Variants in KIAA1328 observed in about 807,000 individuals in gnomAD.
KIAA1328 encodes protein hinderin.
A neutral mutation model predicts 68.1 loss-of-function variants in KIAA1328; 52 were observed. That is an observed-to-expected ratio of 0.76 (90% confidence interval 0.61 to 0.96). KIAA1328 has a LOEUF of 0.96. KIAA1328 is among the 40% of genes least tolerant of loss of function. The probability of loss-of-function intolerance (pLI) is 0.00; values close to 1 mark genes in which losing one functional copy is unlikely to be tolerated. For missense variants in KIAA1328, 641 were observed against 677.6 expected, an observed-to-expected ratio of 0.95 and a Z score of 0.60; for synonymous variants, 232 against 239.4, an observed-to-expected ratio of 0.97 and a Z score of 0.28.
At chr18:36,899,843 A>C (rs2048980516) in intron 5 of KIAA1328, among the ~76,000 whole-genome samples, 1 of 151,948 alleles carries the variant, frequency 6.6e-6, no homozygotes, top group Non-Finnish European at 1.5e-5. Context: ...GTGCTAGCTA[A>C]ATTTTAATTT....
intron 7 of KIAA1328, among the ~76,000 whole-genome samples, chr18:37,158,688 TC>T (rs2059210431): frequency 6.6e-6 from 1 of 152,176 alleles, no homozygotes; most frequent in African/African-American, 2.4e-5. Flanking sequence ...AAGCCAAGTT[TC>T]CAGTTGTGAT....
chr18:37,094,360 G>GA (rs113293098), intron 7 of KIAA1328, among the ~76,000 whole-genome samples: 7,376 of 148,556 alleles, frequency 0.05, 453 homozygotes, highest in African/African-American at 0.15. Flanking sequence ...GTGCTGATGG[G>GA]AAAAAAAAAA....
intron 6 of KIAA1328, among the ~76,000 whole-genome samples, chr18:36,973,999 A>G (rs1043859798): frequency 1.3e-5 from 2 of 152,302 alleles, no homozygotes; most frequent in Non-Finnish European, 2.9e-5. Context: ...TATTAATAAC[A>G]TTAAAGTTTA....
chr18:36,998,131 C>T (rs1166570776), intron 6 of KIAA1328, among the ~76,000 whole-genome samples: 3 of 152,160 alleles, frequency 2.0e-5, no homozygotes, highest in Non-Finnish European at 2.9e-5. Flanking sequence ...CCACCCAGCT[C>T]AACTTTGCGT....
chr18:36,907,792 A>G (rs1055180563), intron 5 of KIAA1328, among the ~76,000 whole-genome samples: 1 of 152,080 alleles, frequency 6.6e-6, no homozygotes, highest in Non-Finnish European at 1.5e-5. Context: ...CCCCTCTTCA[A>G]TTTCCTGCAA....
intron 5 of KIAA1328, among the ~76,000 whole-genome samples, chr18:36,920,890 T>C (rs1454318822): frequency 6.6e-6 from 1 of 152,194 alleles, no homozygotes; most frequent in Admixed American, 6.5e-5. Context: ...CCCTCTCTAG[T>C]ACTCTGCCCT....
At chr18:37,187,685 T>C (rs1283542587) in intron 9 of KIAA1328, among the ~76,000 whole-genome samples, 1 of 152,116 alleles carries the variant, frequency 6.6e-6, no homozygotes, top group African/African-American at 2.4e-5. Context: ...AATAAAAGGA[T>C]ACTAGGAATT....
intron 6 of KIAA1328, among the ~76,000 whole-genome samples, chr18:37,044,133 CT>C (rs1231126739): frequency 6.6e-6 from 1 of 152,136 alleles, no homozygotes; most frequent in African/African-American, 2.4e-5. Flanking sequence ...TTAGCATTCA[CT>C]TTTTGAGGTT....
intron 6 of KIAA1328, among the ~76,000 whole-genome samples, chr18:36,999,782 G>T (rs1219943785): frequency 1.3e-5 from 2 of 152,086 alleles, no homozygotes; most frequent in African/African-American, 4.8e-5. Flanking sequence ...AAACCTGGAA[G>T]TGACAGACGA....
chr18:37,218,089 GA>G (rs1386168417), intron 9 of KIAA1328, among the ~76,000 whole-genome samples: 1 of 152,210 alleles, frequency 6.6e-6, no homozygotes, highest in Non-Finnish European at 1.5e-5. Flanking sequence ...TAACTCTACA[GA>G]AGTAAAAACA....
chr18:37,106,687 C>T (rs572897995), intron 7 of KIAA1328, among the ~76,000 whole-genome samples: 19 of 152,238 alleles, frequency 1.2e-4, no homozygotes, highest in Middle Eastern at 3.4e-3. Context: ...TCTGGGATTA[C>T]AGGCATAAGC....
rs528500947 is a variant in KIAA1328 at position 37,117,281 on chromosome 18, G to T, written c.1233-42919G>T. Among the ~76,000 whole-genome samples, 282 of 152,220 alleles carry T rather than the reference G, an allele frequency of 1.9e-3. 4 individuals carry two copies. The highest frequency in any genetic ancestry group is 6.6e-3 in the African/African-American group (275 of 41,530). ...GTGATAGACTGGATTAAGAAAATGT[G>T]GCACATATACACCATGGAATACTAT... On this transcript the variant is annotated intron_variant, in intron 7 of 9. Transcript: ENST00000280020.
intron 7 of KIAA1328, among the ~76,000 whole-genome samples, chr18:37,086,218 G>GT (rs1262350507): frequency 2.0e-5 from 3 of 152,162 alleles, no homozygotes; most frequent in Non-Finnish European, 4.4e-5. Context: ...TACTAAGAGG[G>GT]TAGATGCTAA....
chr18:36,959,294 A>T lies in KIAA1328; in HGVS notation c.449-14A>T. The stretch of plus-strand genomic sequence containing the variant: ...TCAATTTTTCAGTTTTTTTCCCTTA[A>T]TTTGCAATCTCACCTCTTCAGCTAC... On this transcript the variant is annotated splice_polypyrimidine_tract_variant and intron_variant, in intron 5 of 9. Transcript: ENST00000280020. The T allele has an allele frequency of 6.4e-7, 1 of 1,556,448 alleles. No homozygotes were observed. Among genetic ancestry groups the T allele is most frequent in the Admixed American group, 2.3e-5 (1 of 44,400 alleles).
intron 5 of KIAA1328, among the ~76,000 whole-genome samples, chr18:36,917,288 A>C (rs544552319): frequency 1.3e-5 from 2 of 152,278 alleles, no homozygotes; most frequent in African/African-American, 4.8e-5. Context: ...GTTAAGAGGC[A>C]GGGTCTTGCT....
intron 4 of KIAA1328, 70 bp downstream of exon 4, chr18:36,844,372 A>G: frequency 9.7e-7 from 1 of 1,026,828 alleles, no homozygotes; most frequent in Non-Finnish European, 1.4e-6. Context: ...AGAAAATTGC[A>G]AATATATTTT....
intron 4 of KIAA1328, among the ~76,000 whole-genome samples, chr18:36,854,320 G>GTA (rs907500682): frequency 6.6e-6 from 1 of 152,142 alleles, no homozygotes; most frequent in African/African-American, 2.4e-5. Flanking sequence ...TCAGTCTGTG[G>GTA]TACTTTGTTA....
At chr18:37,082,445 T>G (rs2056980515) in intron 7 of KIAA1328, among the ~76,000 whole-genome samples, 1 of 152,202 alleles carries the variant, frequency 6.6e-6, no homozygotes, top group Non-Finnish European at 1.5e-5. Flanking sequence ...GTGCTGGGAT[T>G]ACAGGCGTGA....
chr18:37,110,404 G>A (rs1325118673), intron 7 of KIAA1328, among the ~76,000 whole-genome samples: 8 of 152,176 alleles, frequency 5.3e-5, no homozygotes, highest in Non-Finnish European at 1.2e-4. Context: ...TTATGTGCCT[G>A]TAAATAGTGA....
Sources: allele counts gnomAD v4.1 joint callset (sites outside exome capture counted in the v4.1 genomes callset), GRCh38; gene constraint gnomAD v4.1.1; transcripts MANE v1.5; gene names NCBI Gene and HGNC (gene_info 2026-07-23, HGNC 2026-07-21).